The following MFAP3L variants were observed in gnomAD, a reference collection of about 807,000 sequenced individuals.
MFAP3L encodes microfibril associated protein 3 like, also known as microfibrillar-associated protein 3-like.
A neutral mutation model predicts 20.0 loss-of-function variants in MFAP3L; 5 were observed. The ratio of observed to expected loss-of-function variants is 0.25; its 90% CI spans 0.13 to 0.53. The LOEUF is 0.53. MFAP3L is among the 20% of genes least tolerant of loss of function. MFAP3L has a pLI of 0.96. For synonymous variants in MFAP3L, 219 were observed against 213.0 expected, an observed-to-expected ratio of 1.03 and a Z score of -0.25; for missense variants, 409 against 527.5, an observed-to-expected ratio of 0.78 and a Z score of 2.20.
intron 2 of MFAP3L, chr4:170,002,319 C>T (rs1044983001): frequency 3.1e-5 from 27 of 868,056 alleles, no homozygotes; most frequent in Non-Finnish European, 3.6e-5. Flanking sequence ...CCTGGTTTCT[C>T]ATCTGTATAC....
At chr4:169,998,763 C>A (rs973189947) in intron 2 of MFAP3L, among the ~76,000 whole-genome samples, 2 of 152,296 alleles carry the variant, frequency 1.3e-5, no homozygotes, top group East Asian at 3.9e-4. Flanking sequence ...GGCTCTTAAG[C>A]CTCACACACC....
intron 1 of MFAP3L, among the ~76,000 whole-genome samples, chr4:170,018,700 AG>A (rs1234512568): frequency 1.3e-5 from 2 of 151,542 alleles, no homozygotes; most frequent in Non-Finnish European, 2.9e-5. Context: ...GGAGAAAAAC[AG>A]GTTACCTTTG....
chr4:170,014,857 G>A (rs1367360447), intron 1 of MFAP3L, among the ~76,000 whole-genome samples: 2 of 152,054 alleles, frequency 1.3e-5, no homozygotes, highest in East Asian at 3.9e-4. Flanking sequence ...TCTTACAAAG[G>A]GTGGTTAATT....
intron 1 of MFAP3L, among the ~76,000 whole-genome samples, chr4:170,012,329 A>T (rs2111035672): frequency 6.6e-6 from 1 of 152,350 alleles, no homozygotes; most frequent in Non-Finnish European, 1.5e-5. Context: ...GACCAGTGGC[A>T]CCTATGATTA....
At chr4:170,019,861 C>T (rs538319138) in intron 1 of MFAP3L, among the ~76,000 whole-genome samples, 52 of 152,212 alleles carry the variant, frequency 3.4e-4, no homozygotes, top group Non-Finnish European at 6.3e-4. Flanking sequence ...TCAATTTCAG[C>T]ACAGCCTCTA....
chr4:170,018,221 G>A (rs1251813852), intron 1 of MFAP3L, among the ~76,000 whole-genome samples: 1 of 152,158 alleles, frequency 6.6e-6, no homozygotes, highest in African/African-American at 2.4e-5. Context: ...AGACCAGACA[G>A]TTCTCCTAGC....
intron 2 of MFAP3L, chr4:169,994,589 G>A (rs1477864854): frequency 2.1e-6 from 2 of 951,894 alleles, no homozygotes; most frequent in East Asian, 1.2e-4. Context: ...ATTGTGTATT[G>A]ATATGTATTT....
rs1737665957 is a variant in MFAP3L at position 169,991,501 on chromosome 4, T to C, written c.1107A>G (p.Thr369=). ...PSTDVTSTEL[T]SEEPTPVEVP... is the part of the protein sequence containing the mutation. ...CCTCAACAGGTGTTGGCTCTTCAGATGTTAGCTCGGTGGACGTGACATCGG... is the reference window on the plus strand; with the variant it reads ...CCTCAACAGGTGTTGGCTCTTCAGACGTTAGCTCGGTGGACGTGACATCGG... Residue 369 remains threonine (T), a synonymous_variant, in exon 3 of 3, where the codon ACA becomes ACG. Transcript: ENST00000361618. The surrounding 1 kb of genome is among the most constrained non-coding windows in gnomAD (Gnocchi z 4.9). 6.2e-7 allele frequency: 1 copy of C among 1,614,074 alleles called. No homozygotes were observed. The highest frequency in any genetic ancestry group is 1.3e-5 in the African/African-American group (1 of 74,912).
intron 1 of MFAP3L, among the ~76,000 whole-genome samples, chr4:170,012,591 G>A (rs1185512875): frequency 6.6e-6 from 1 of 152,148 alleles, no homozygotes; most frequent in South Asian, 2.1e-4. Context: ...CTGATGGAGG[G>A]TGTTGTGATG....
intron 1 of MFAP3L, among the ~76,000 whole-genome samples, chr4:170,018,981 A>C (rs558651420): frequency 1.3e-5 from 2 of 152,342 alleles, no homozygotes; most frequent in Admixed American, 1.3e-4. Flanking sequence ...CTGGTTACTC[A>C]AGAGTTTATG....
At chr4:170,022,377 G>A (rs1740090251) in intron 1 of MFAP3L, among the ~76,000 whole-genome samples, 1 of 152,142 alleles carries the variant, frequency 6.6e-6, no homozygotes, top group South Asian at 2.1e-4. Flanking sequence ...TCCATTTCAT[G>A]TTCTGGTTTC....
chr4:170,025,764 C>G (rs1352086217), intron 1 of MFAP3L, among the ~76,000 whole-genome samples: 2 of 152,154 alleles, frequency 1.3e-5, no homozygotes, highest in East Asian at 3.9e-4. Context: ...CATCAGGACA[C>G]GGCGCCCTCC....
chr4:169,999,134 C>T (rs1020313218), intron 2 of MFAP3L, among the ~76,000 whole-genome samples: 3 of 152,222 alleles, frequency 2.0e-5, no homozygotes, highest in Non-Finnish European at 2.9e-5. Flanking sequence ...ACTGCAGCAT[C>T]AGGTTATGAA....
intron 2 of MFAP3L, among the ~76,000 whole-genome samples, chr4:169,998,655 C>T (rs904758592): frequency 5.3e-5 from 8 of 152,132 alleles, no homozygotes; most frequent in Non-Finnish European, 7.4e-5. Context: ...TTTATGAATG[C>T]GTGTGTGTAA....
rs28581465 is a variant in MFAP3L, at chr4:169,997,979, G to A, written c.299-5670C>T. 5.0e-3 allele frequency among the ~76,000 whole-genome samples: 758 copies of A among 152,060 alleles called. 7 individuals are homozygous for A. The highest frequency in any genetic ancestry group is 0.017 in the African/African-American group (689 of 41,462). On this transcript the variant is annotated intron_variant, in intron 2 of 2. Coordinates refer to ENST00000361618, the MANE Select transcript of MFAP3L (RefSeq NM_021647.8). The stretch of plus-strand genomic sequence containing the variant: ...AAATTCTTCAAATCAGGCAAGCCTA[G>A]GTTGACTGGAAAAACAGCAATGATG...
At chr4:170,010,091 C>T (rs564741531) in intron 1 of MFAP3L, among the ~76,000 whole-genome samples, 28 of 152,220 alleles carry the variant, frequency 1.8e-4, no homozygotes, top group African/African-American at 6.7e-4. Flanking sequence ...ACTCATGAAG[C>T]ATGGAGAGGG....
intron 2 of MFAP3L, chr4:169,993,948 AAT>A (rs1206593402): frequency 6.2e-6 from 1 of 161,198 alleles, no homozygotes; most frequent in African/African-American, 2.4e-5. Context: ...CAAGGCTTCT[AAT>A]ACTTTCATCC....
chr4:169,995,290 G>A (rs982570803), intron 2 of MFAP3L, among the ~76,000 whole-genome samples: 6 of 152,146 alleles, frequency 3.9e-5, no homozygotes, highest in African/African-American at 1.2e-4. Flanking sequence ...CTAAGGTCCC[G>A]TAGCCTCCAA....
Position 169,992,239 on chromosome 4 carries a change from GT to G in MFAP3L, c.368del (p.Tyr123SerfsTer12). ...TKVSFSDRGK[Y>X]TCVASNIYGT... Reference sequence around the variant, plus strand: ...CGTAGATGTTAGAAGCCACACACGTGTATTTACCTCGGTCTGAGAAGGATAC... The same window carrying G: ...CGTAGATGTTAGAAGCCACACACGTGATTTACCTCGGTCTGAGAAGGATAC... On this transcript the variant is annotated frameshift_variant, in exon 3 of 3. Coordinates refer to ENST00000361618, the MANE Select transcript of MFAP3L (RefSeq NM_021647.8). LOFTEE classifies it high-confidence loss of function. This position sits in a 1 kb window ranked among gnomAD's most constrained non-coding sequence, Gnocchi z 4.3. The G allele has an allele frequency of 6.2e-7, 1 of 1,614,118 alleles. No homozygotes were observed.
Sources: gnomAD v4.1 joint callset for allele counts (sites outside exome capture counted in the v4.1 genomes callset) on GRCh38, gnomAD v4.1.1 for gene constraint, Gnocchi (gnomAD v3.1) non-coding constraint, MANE v1.5 for transcripts, NCBI Gene and HGNC (gene_info 2026-07-23, HGNC 2026-07-21) for gene names.